PCDH9: variants seen among roughly 807,000 people sequenced by gnomAD.
The protein encoded by PCDH9 is protocadherin 9.
PCDH9 carries 24 observed loss-of-function variants against 70.6 expected under a neutral mutation model. The observed-to-expected ratio is 0.34, with a 90% confidence interval of 0.25 to 0.48. The LOEUF (loss-of-function observed/expected upper bound fraction) is 0.48, where lower values mean the gene tolerates loss of function less well. PCDH9 is among the 20% of genes least tolerant of loss of function. PCDH9 has a pLI of 0.99. For missense variants in PCDH9, 1,281 were observed against 1,503.6 expected (o/e 0.85, Z 2.45); for synonymous variants, 562 against 558.5 (o/e 1.01, Z -0.09).
At chr13:66,539,610 C>A (rs769329393) in intron 4 of PCDH9, among the ~76,000 whole-genome samples, 36 of 152,006 alleles carry the variant, frequency 2.4e-4, no homozygotes, top group Non-Finnish European at 4.7e-4. Context: ...AGTTACTGAC[C>A]CACAGAATCT....
At chr13:66,776,393 C>T (rs2079893444) in intron 3 of PCDH9, among the ~76,000 whole-genome samples, 1 of 150,402 alleles carries the variant, frequency 6.6e-6, no homozygotes, top group Admixed American at 6.6e-5. Flanking sequence ...TTGTCTCAGC[C>T]CAAAATCTCC....
chr13:66,307,829 G>A (rs1318082085), intron 4 of PCDH9, among the ~76,000 whole-genome samples: 1 of 152,094 alleles, frequency 6.6e-6, no homozygotes, highest in Non-Finnish European at 1.5e-5. Context: ...TTGAGAATGT[G>A]TTGTGTGCGC....
intron 2 of PCDH9, among the ~76,000 whole-genome samples, chr13:67,003,537 T>C (rs1490324263): frequency 6.6e-6 from 1 of 152,218 alleles, no homozygotes; most frequent in Non-Finnish European, 1.5e-5. Context: ...TGTTTCTTAA[T>C]ATTAATCAAC....
chr13:67,122,052 T>A (rs1349401043), intron 2 of PCDH9, among the ~76,000 whole-genome samples: 1 of 152,326 alleles, frequency 6.6e-6, no homozygotes, highest in Non-Finnish European at 1.5e-5. Flanking sequence ...TCTTTTTTCC[T>A]TATTTATGAA....
At chr13:66,647,066 C>A (rs2077781264) in intron 3 of PCDH9, among the ~76,000 whole-genome samples, 1 of 152,146 alleles carries the variant, frequency 6.6e-6, no homozygotes, top group African/African-American at 2.4e-5. Flanking sequence ...GCTTTGCCAC[C>A]AAGACCTAAA....
intron 2 of PCDH9, among the ~76,000 whole-genome samples, chr13:66,992,400 T>C (rs1594361535): frequency 6.6e-6 from 1 of 152,282 alleles, no homozygotes; most frequent in Non-Finnish European, 1.5e-5. Context: ...CTGAAATTCA[T>C]ACCAAGCCTT....
chr13:66,544,665 T>A (rs972529294), intron 4 of PCDH9, among the ~76,000 whole-genome samples: 5 of 152,106 alleles, frequency 3.3e-5, no homozygotes, highest in Non-Finnish European at 7.3e-5. Flanking sequence ...TGGTTTAATG[T>A]AAATTGAAGG....
intron 2 of PCDH9, among the ~76,000 whole-genome samples, chr13:67,158,703 C>T (rs575011014): frequency 6.6e-6 from 1 of 152,250 alleles, no homozygotes; most frequent in South Asian, 2.1e-4. Flanking sequence ...TGAAGCCACC[C>T]ACTCTATGAT....
chr13:66,603,707 A>G (rs1469784391), intron 4 of PCDH9, among the ~76,000 whole-genome samples: 1 of 151,994 alleles, frequency 6.6e-6, no homozygotes, highest in South Asian at 2.1e-4. Context: ...AAAGTATGGC[A>G]TGTATCTGGT....
At chr13:66,684,087 T>C (rs190095881) in intron 3 of PCDH9, among the ~76,000 whole-genome samples, 15 of 152,294 alleles carry the variant, frequency 9.8e-5, no homozygotes, top group Non-Finnish European at 2.1e-4. Flanking sequence ...ACACATAGTT[T>C]GATATGATAC....
At chr13:66,967,384 T>C (rs1263375043) in intron 2 of PCDH9, among the ~76,000 whole-genome samples, 4 of 152,078 alleles carry the variant, frequency 2.6e-5, no homozygotes, top group Non-Finnish European at 4.4e-5. Context: ...TTAAATAAAA[T>C]TTGAAAGTTA....
At chr13:67,136,156 G>A (rs1302014830) in intron 2 of PCDH9, among the ~76,000 whole-genome samples, 2 of 152,098 alleles carry the variant, frequency 1.3e-5, no homozygotes, top group African/African-American at 4.8e-5. Flanking sequence ...GATGGGTTTA[G>A]ATACACAAGT....
intron 2 of PCDH9, among the ~76,000 whole-genome samples, chr13:67,199,223 A>G (rs2089150639): frequency 6.6e-6 from 1 of 151,612 alleles, no homozygotes; most frequent in Non-Finnish European, 1.5e-5. Flanking sequence ...AAATGTGTGA[A>G]CATATACCAT....
At position 67,160,274 on chromosome 13, in the gene PCDH9, G is replaced by A. The variant is rs1395721609; in HGVS notation, c.3036+65131C>T. Among the ~76,000 whole-genome samples the A allele has an allele frequency of 2.0e-5, 3 of 152,140 alleles. No individual in the cohort carries two copies. In the East Asian group the frequency reaches 5.8e-4, roughly 29 times the overall value. ...TTAAAAACACAACCTGGCCGGGTGC[G>A]GTGGCTCACGCCTGTAATCCCAACA... On this transcript the variant is annotated intron_variant, in intron 2 of 4. Transcript: ENST00000377865.
intron 4 of PCDH9, among the ~76,000 whole-genome samples, chr13:66,390,211 G>A (rs143612184): frequency 7.2e-5 from 11 of 152,232 alleles, no homozygotes; most frequent in East Asian, 1.9e-4. Context: ...CAAACTCTGC[G>A]GATGAATGGC....
At chr13:66,956,201 A>G (rs910512470) in intron 2 of PCDH9, among the ~76,000 whole-genome samples, 3 of 152,200 alleles carry the variant, frequency 2.0e-5, no homozygotes, top group Non-Finnish European at 4.4e-5. Flanking sequence ...CTCAAAAGTC[A>G]TCTGCTGATG....
At chr13:66,615,698 A>G (rs1400519796) in intron 4 of PCDH9, among the ~76,000 whole-genome samples, 2 of 152,226 alleles carry the variant, frequency 1.3e-5, no homozygotes, top group African/African-American at 4.8e-5. Context: ...TAATTAAATG[A>G]CTGAATTCAG....
At chr13:67,035,134 T>C (rs550253284) in intron 2 of PCDH9, among the ~76,000 whole-genome samples, 1 of 152,218 alleles carries the variant, frequency 6.6e-6, no homozygotes, top group African/African-American at 2.4e-5. Flanking sequence ...GCTGAAGAAT[T>C]TGCTCAATCA....
intron 2 of PCDH9, among the ~76,000 whole-genome samples, chr13:67,134,218 TC>T (rs1284324276): frequency 6.6e-6 from 1 of 152,106 alleles, no homozygotes; most frequent in Non-Finnish European, 1.5e-5. Flanking sequence ...CCTGTTCTTT[TC>T]TCATGTTCAA....
Sources: gnomAD v4.1 joint callset for allele counts (sites outside exome capture counted in the v4.1 genomes callset) on GRCh38, gnomAD v4.1.1 for gene constraint, MANE v1.5 for transcripts, NCBI Gene and HGNC (gene_info 2026-07-23, HGNC 2026-07-21) for gene names.